KCND2: variants seen among roughly 807,000 people sequenced by gnomAD.
KCND2 encodes the protein potassium voltage-gated channel subfamily D member 2, also known as A-type voltage-gated potassium channel KCND2.
KCND2 carries 16 observed loss-of-function variants against 54.4 expected under a neutral mutation model. The ratio of observed to expected loss-of-function variants is 0.29; its 90% confidence interval spans 0.20 to 0.45. The LOEUF is 0.45. KCND2 is among the 20% of genes least tolerant of loss of function. The probability of loss-of-function intolerance (pLI) is 1.00; values close to 1 mark genes in which losing one functional copy is unlikely to be tolerated. For synonymous variants in KCND2, 317 were observed against 310.7 expected (o/e 1.02, Z -0.21); for missense variants, 486 against 824.2 (o/e 0.59, Z 5.02).
intron 1 of KCND2, among the ~76,000 whole-genome samples, chr7:120,581,725 T>A (rs1792518064): frequency 1.3e-5 from 2 of 152,192 alleles, no homozygotes; most frequent in South Asian, 2.1e-4. Flanking sequence ...TAATAATTTT[T>A]TTTTTTTGAT....
At chr7:120,714,456 C>T (rs1792578229) in intron 1 of KCND2, among the ~76,000 whole-genome samples, 1 of 152,056 alleles carries the variant, frequency 6.6e-6, no homozygotes, top group African/African-American at 2.4e-5. Flanking sequence ...CAGAATGAGC[C>T]AATATTGTGT....
chr7:120,388,664 A>G (rs1243039512), intron 1 of KCND2, among the ~76,000 whole-genome samples: 1 of 151,814 alleles, frequency 6.6e-6, no homozygotes, highest in Non-Finnish European at 1.5e-5. Context: ...TGCAAGAGAA[A>G]CCAATCCAGA....
At chr7:120,381,211 C>T (rs566133481) in intron 1 of KCND2, among the ~76,000 whole-genome samples, 74 of 152,104 alleles carry the variant, frequency 4.9e-4, no homozygotes, top group African/African-American at 1.6e-3. Context: ...GCTGATATCA[C>T]GCCACTGTAC....
At chr7:120,664,778 T>A (rs1791905222) in intron 1 of KCND2, among the ~76,000 whole-genome samples, 1 of 152,046 alleles carries the variant, frequency 6.6e-6, no homozygotes, top group East Asian at 1.9e-4. Context: ...CCAGATGCTT[T>A]GGCTGTCACA....
At chr7:120,340,887 C>T (rs1247153067) in intron 1 of KCND2, among the ~76,000 whole-genome samples, 1 of 152,110 alleles carries the variant, frequency 6.6e-6, no homozygotes, top group Non-Finnish European at 1.5e-5. Context: ...GATTATGTTT[C>T]AGATTGGAGA....
intron 1 of KCND2, among the ~76,000 whole-genome samples, chr7:120,297,325 C>T (rs1367319319): frequency 6.6e-6 from 1 of 152,058 alleles, no homozygotes; most frequent in East Asian, 1.9e-4. Flanking sequence ...CTTTCTGTGT[C>T]TGAGTTGTTT....
intron 1 of KCND2, among the ~76,000 whole-genome samples, chr7:120,706,829 T>C (rs1029650680): frequency 4.6e-5 from 7 of 152,182 alleles, no homozygotes; most frequent in Non-Finnish European, 1.0e-4. Context: ...GCTGTATACT[T>C]AGTGCTCACC....
At chr7:120,597,618 T>C (rs1792761651) in intron 1 of KCND2, among the ~76,000 whole-genome samples, 1 of 152,150 alleles carries the variant, frequency 6.6e-6, no homozygotes, top group Non-Finnish European at 1.5e-5. Context: ...CATGCAGAAC[T>C]TTCTGAACCT....
rs566575943 is a variant in KCND2 at position 120,461,591 on chromosome 7, A to G, written c.1115+185844A>G. 3.1e-4 allele frequency among the ~76,000 whole-genome samples: 47 copies of G among 152,226 alleles called. No individual in the cohort carries two copies. In the South Asian group the frequency reaches 9.7e-3, roughly 32 times the overall value. On this transcript the variant is annotated intron_variant, in intron 1 of 5. Transcript: ENST00000331113. ...TTTGAGACATTTAGGGATGCTGCTA[A>G]GTACTTGAGGTGCTGTTTGAAATTG...
chr7:120,675,975 A>G (rs1262694956), intron 1 of KCND2, among the ~76,000 whole-genome samples: 3 of 150,104 alleles, frequency 2.0e-5, no homozygotes, highest in African/African-American at 7.4e-5. Flanking sequence ...CTTATGCCTC[A>G]GCCTCCCTCA....
chr7:120,325,342 A>C, intron 1 of KCND2, among the ~76,000 whole-genome samples: 1 of 135,522 alleles, frequency 7.4e-6, no homozygotes, highest in Non-Finnish European at 1.6e-5. Flanking sequence ...ACTATGTTGA[A>C]TAGGAGTGGT....
chr7:120,741,491 C>T lies in KCND2; in HGVS notation c.1279-43C>T, dbSNP rs768238949. On this transcript the variant is annotated intron_variant, in intron 2 of 5. Transcript: ENST00000331113. ...GGGTTCATTCACTGTTTTAAGGAAACGATTTATAAATGTTAATGGGATGTT... is the reference window on the plus strand; with the variant it reads ...GGGTTCATTCACTGTTTTAAGGAAATGATTTATAAATGTTAATGGGATGTT... The T allele has an allele frequency of 9.0e-6, 12 of 1,334,934 alleles. No individual in the cohort carries two copies. The East Asian group carries it at 1.8e-4, about 20-fold the overall frequency. 82.7% of individuals were successfully genotyped at this position (1,334,934 alleles called of 1,614,324 possible).
At chr7:120,524,606 T>A in intron 1 of KCND2, among the ~76,000 whole-genome samples, 1 of 152,206 alleles carries the variant, frequency 6.6e-6, no homozygotes, top group East Asian at 1.9e-4. Context: ...AATTGCTGAA[T>A]TTTGAAAATT....
intron 1 of KCND2, among the ~76,000 whole-genome samples, chr7:120,358,728 G>A (rs551860345): frequency 8.2e-4 from 125 of 152,248 alleles, no homozygotes; most frequent in Non-Finnish European, 1.2e-3. Context: ...CCCAACTACT[G>A]CAGAAGTCAG....
At chr7:120,552,810 T>C (rs1792118795) in intron 1 of KCND2, among the ~76,000 whole-genome samples, 1 of 152,228 alleles carries the variant, frequency 6.6e-6, no homozygotes, top group Non-Finnish European at 1.5e-5. Flanking sequence ...CACCATATTT[T>C]TGGGTAGCAT....
chr7:120,453,217 G>A (rs748476412), intron 1 of KCND2, among the ~76,000 whole-genome samples: 14 of 152,166 alleles, frequency 9.2e-5, no homozygotes, highest in Admixed American at 1.3e-4. Flanking sequence ...ACCACTGTGC[G>A]CATGTACCAT....
chr7:120,599,665 G>A (rs577199474), intron 1 of KCND2, among the ~76,000 whole-genome samples: 3 of 152,032 alleles, frequency 2.0e-5, no homozygotes, highest in East Asian at 3.9e-4. Flanking sequence ...TTTTCATTGT[G>A]CTACCTTGTT....
chr7:120,295,810 C>A (rs188329631), intron 1 of KCND2, among the ~76,000 whole-genome samples: 2 of 151,936 alleles, frequency 1.3e-5, no homozygotes, highest in African/African-American at 4.8e-5. Context: ...AATGCAAACT[C>A]GAGGTGCAAG....
chr7:120,337,120 G>A (rs1800162652), intron 1 of KCND2, among the ~76,000 whole-genome samples: 2 of 152,020 alleles, frequency 1.3e-5, no homozygotes, highest in South Asian at 2.1e-4. Context: ...AGCTTGTCAT[G>A]CTACAAGGTG....
Sources: allele counts gnomAD v4.1 joint callset (sites outside exome capture counted in the v4.1 genomes callset), GRCh38; gene constraint gnomAD v4.1.1; transcripts MANE v1.5; gene names NCBI Gene and HGNC (gene_info 2026-07-23, HGNC 2026-07-21).